Variants in PIP5K1C observed in about 807,000 individuals in gnomAD.
PIP5K1C encodes phosphatidylinositol-4-phosphate 5-kinase type 1 gamma.
Under a neutral mutation model 80.1 loss-of-function variants are expected in PIP5K1C, and 45 were observed. That is an observed-to-expected ratio of 0.56 (90% CI 0.44 to 0.72). PIP5K1C has a LOEUF of 0.72. Among genes scored for constraint, PIP5K1C ranks in the 30% least tolerant of loss-of-function variants. PIP5K1C has a pLI of 0.00. For missense variants in PIP5K1C, 753 were observed against 954.6 expected (o/e 0.79, Z 2.78); for synonymous variants, 498 against 420.1 (o/e 1.19, Z -2.27).
chr19:3,643,104 C>A, intron 13 of PIP5K1C, 139 bp downstream of exon 13: 1 of 1,480,128 alleles, frequency 6.8e-7, no homozygotes, highest in Non-Finnish European at 9.3e-7. Context: ...CGCGCACCCA[C>A]ATGCAGTGTA....
intron 16 of PIP5K1C, among the ~76,000 whole-genome samples, chr19:3,635,399 T>G (rs1379698904): frequency 6.6e-6 from 1 of 151,804 alleles, no homozygotes; most frequent in African/African-American, 2.4e-5. Context: ...ATACAAAGAT[T>G]AAGGCCGGGC....
At chr19:3,638,017 A>T in intron 16 of PIP5K1C, 1 of 1,499,426 alleles carries the variant, frequency 6.7e-7, no homozygotes, top group Non-Finnish European at 8.9e-7. Flanking sequence ...CTGGAGACAG[A>T]GCAGGGGAGT....
At chr19:3,686,040 C>T (rs1257379091) in intron 1 of PIP5K1C, among the ~76,000 whole-genome samples, 4 of 151,290 alleles carry the variant, frequency 2.6e-5, no homozygotes, top group African/African-American at 7.3e-5. Flanking sequence ...TTTTCAGAAA[C>T]GGGGGTCTCG....
intron 1 of PIP5K1C, among the ~76,000 whole-genome samples, chr19:3,678,131 G>T: frequency 7.0e-6 from 1 of 142,556 alleles, no homozygotes; most frequent in African/African-American, 2.6e-5. Context: ...ATGGAGGGAT[G>T]GAGAGATGGC....
intron 8 of PIP5K1C, among the ~76,000 whole-genome samples, 199 bp downstream of exon 8, chr19:3,651,627 C>T (rs771133416): frequency 6.6e-6 from 1 of 152,264 alleles, no homozygotes; most frequent in Non-Finnish European, 1.5e-5. Context: ...AGGCCCGGAA[C>T]CCTGCACTCA....
intron 5 of PIP5K1C, among the ~76,000 whole-genome samples, chr19:3,660,753 C>T (rs949588084): frequency 8.5e-5 from 13 of 152,136 alleles, no homozygotes; most frequent in Non-Finnish European, 1.6e-4. Flanking sequence ...CCAGCCAGGA[C>T]GGAGTCCTGC....
At chr19:3,638,105 G>A (rs2033783938) in intron 16 of PIP5K1C, 1 of 1,392,082 alleles carries the variant, frequency 7.2e-7, no homozygotes, top group Non-Finnish European at 9.4e-7. Context: ...CCTTCCCAGG[G>A]GGTGCAGGGT....
chr19:3,651,646 C>T (rs2034454959), intron 8 of PIP5K1C, among the ~76,000 whole-genome samples, 180 bp downstream of exon 8: 1 of 152,266 alleles, frequency 6.6e-6, no homozygotes, highest in East Asian at 1.9e-4. Context: ...CAGCCTGCGG[C>T]CCGCACTACG....
chr19:3,675,763 T>C (rs2035338063), intron 1 of PIP5K1C, among the ~76,000 whole-genome samples: 1 of 152,178 alleles, frequency 6.6e-6, no homozygotes, highest in African/African-American at 2.4e-5. Flanking sequence ...GATTGTTCTC[T>C]GGGCTGGTCA....
rs1290971755 is a variant in PIP5K1C at position 3,645,984 on chromosome 19, C to A, written c.1335G>T (p.Arg445=). The part of the protein sequence containing the change: ...FFKFMSNTVF[R]KNSSLKSSPS... ...GCTCAGGTGGCTTACAGGAGTTCTTCCGAAAGACCGTGTTGCTCATGAACT... is the reference window on the plus strand; with the variant it reads ...GCTCAGGTGGCTTACAGGAGTTCTTACGAAAGACCGTGTTGCTCATGAACT... The change falls in exon 11 of 18, where the codon CGG becomes CGT. Residue 445 remains arginine (R), a synonymous_variant. Coordinates refer to ENST00000335312, the MANE Select transcript of PIP5K1C (RefSeq NM_012398.3). 2 of 1,613,212 alleles carry A rather than the reference C, an allele frequency of 1.2e-6. No individual in the cohort carries two copies. Among genetic ancestry groups the A allele is most frequent in the East Asian group, 2.2e-5 (1 of 44,878 alleles).
At chr19:3,675,492 C>A (rs1049915482) in intron 1 of PIP5K1C, among the ~76,000 whole-genome samples, 2 of 152,194 alleles carry the variant, frequency 1.3e-5, no homozygotes, top group African/African-American at 4.8e-5. Flanking sequence ...TTTCTTTTCT[C>A]TCCATCATGG....
chr19:3,679,828 G>A (rs1470911383), intron 1 of PIP5K1C, among the ~76,000 whole-genome samples: 7 of 152,250 alleles, frequency 4.6e-5, no homozygotes, highest in Admixed American at 3.3e-4. Flanking sequence ...TTGACGTGCT[G>A]CGCTGGGCAC....
intron 10 of PIP5K1C, 88 bp downstream of exon 10, chr19:3,647,246 TCACA>T (rs1346132056): frequency 1.9e-6 from 2 of 1,075,412 alleles, no homozygotes; most frequent in African/African-American, 4.4e-5. Flanking sequence ...GTGCAGGCAC[TCACA>T]GAGGGAGGAG....
chr19:3,682,997 C>T (rs936470908), intron 1 of PIP5K1C, among the ~76,000 whole-genome samples: 2 of 151,092 alleles, frequency 1.3e-5, no homozygotes, highest in South Asian at 2.1e-4. Context: ...TCCCTCCCCA[C>T]ACCAGGCTTG....
At chr19:3,685,940 C>T (rs1568357020) in intron 1 of PIP5K1C, among the ~76,000 whole-genome samples, 1 of 151,940 alleles carries the variant, frequency 6.6e-6, no homozygotes, top group African/African-American at 2.4e-5. Context: ...CATAGCTCTG[C>T]AGCCTCCAAC....
rs1338734017 is a variant in PIP5K1C at position 3,688,242 on chromosome 19, T to G, written c.94+12055A>C. On this transcript the variant is annotated intron_variant, in intron 1 of 17. Transcript: ENST00000335312. The surrounding 1 kb of genome is among the most constrained non-coding windows in gnomAD (Gnocchi z 5.3). ...GGCTGGCTCCCCAGCGTCCCTGTCCTCCAGGGGCGCAGCGTCCCTCCGGGG... is the reference window on the plus strand; with the variant it reads ...GGCTGGCTCCCCAGCGTCCCTGTCCGCCAGGGGCGCAGCGTCCCTCCGGGG... Among the ~76,000 whole-genome samples the G allele has an allele frequency of 6.6e-6, 1 of 152,148 alleles. No individual in the cohort carries two copies. The highest frequency in any genetic ancestry group is 1.5e-5 in the Non-Finnish European group (1 of 68,000).
rs753105357 is a variant in PIP5K1C at position 3,653,535 on chromosome 19, C to A, written c.676G>T (p.Val226Leu). Residue 226 changes from valine (V) to leucine (L), a missense_variant, in exon 7 of 18, where the codon GTG becomes TTG. Val to Leu is a conservative substitution (Grantham distance 32). Around this residue, in one of 6 missense-constraint regions of PIP5K1C, gnomAD observed 139 missense variants for 289.7 expected, o/e 0.48. Coordinates refer to ENST00000335312, the MANE Select transcript of PIP5K1C (RefSeq NM_012398.3). ...LLPKFYGLYCVQSGGKNIRVV... is the reference protein window; with the variant it reads ...LLPKFYGLYCLQSGGKNIRVV... The stretch of plus-strand genomic sequence containing the variant: ...CGGATGTTCTTGCCCCCCGACTGCA[C>A]GCAGTACAGCCCATAGAACTTGGGC... The A allele has an allele frequency of 6.2e-7, 1 of 1,613,752 alleles. No individual in the cohort carries two copies. The highest frequency in any genetic ancestry group is 8.5e-7 in the Non-Finnish European group (1 of 1,180,016).
At chr19:3,641,830 T>C in intron 14 of PIP5K1C, 21 bp from the exon 15 acceptor site, 2 of 1,595,822 alleles carry the variant, frequency 1.3e-6, no homozygotes, top group Non-Finnish European at 1.7e-6. Context: ...TGGGAGGTTG[T>C]GCCTCGGTTT....
Position 3,644,157 on chromosome 19 carries a change from G to C in PIP5K1C, c.1440C>G (p.Ile480Met). Residue 480 changes from isoleucine (I) to methionine (M), a missense_variant, in exon 12 of 18, where the codon ATC becomes ATG. Physicochemically the swap from Ile to Met is conservative, Grantham distance 10 (BLOSUM62 1). Coordinates refer to ENST00000335312, the MANE Select transcript of PIP5K1C (RefSeq NM_012398.3). ...ACTGGGCCTCCTCCCGCTCGCTAGG[G>C]ATCTGGCTGGCCGAGAAGGCAGCGG... ...GPTAAFSASQ[I>M]PSEREEAQYD... 6.2e-7 allele frequency: 1 copy of C among 1,612,234 alleles called. No individual in the cohort carries two copies. The highest frequency in any genetic ancestry group is 8.5e-7 in the Non-Finnish European group (1 of 1,179,886).
Sources: allele counts gnomAD v4.1 joint callset (sites outside exome capture counted in the v4.1 genomes callset), GRCh38; gene constraint gnomAD v4.1.1; regional missense constraint gnomAD v4.1.1; non-coding constraint Gnocchi (gnomAD v3.1); transcripts MANE v1.5; gene names NCBI Gene and HGNC (gene_info 2026-07-23, HGNC 2026-07-21).